Variants in JADE1 observed in about 807,000 individuals in gnomAD.
The protein encoded by JADE1 is jade family PHD finger 1.
In JADE1, 14 loss-of-function variants were observed where a neutral mutation model predicts 81.8. The ratio of observed to expected loss-of-function variants is 0.17; its 90% CI spans 0.11 to 0.27. The LOEUF (loss-of-function observed/expected upper bound fraction) is 0.27. JADE1 is among the 10% of genes least tolerant of loss of function. The pLI, the probability that JADE1 is intolerant of heterozygous loss-of-function variation, is 1.00. For synonymous variants in JADE1, 353 were observed against 391.9 expected (o/e 0.90, Z 1.17); for missense variants, 690 against 1,047.9 (o/e 0.66, Z 4.71).
chr4:128,823,102 A>G (rs988957742), intron 1 of JADE1, among the ~76,000 whole-genome samples: 1 of 152,148 alleles, frequency 6.6e-6, no homozygotes, highest in African/African-American at 2.4e-5. Context: ...TTGTGAATTC[A>G]TTTACTCCCA....
chr4:128,815,425 A>T (rs957633793), intron 1 of JADE1, among the ~76,000 whole-genome samples: 4 of 152,232 alleles, frequency 2.6e-5, no homozygotes, highest in Admixed American at 1.3e-4. Context: ...TTGACAGAAT[A>T]TCTGACACTG....
At chr4:128,861,425 G>A (rs943850631) in intron 8 of JADE1, among the ~76,000 whole-genome samples, 3 of 152,242 alleles carry the variant, frequency 2.0e-5, no homozygotes, top group Non-Finnish European at 4.4e-5. Flanking sequence ...AGCACTTTGG[G>A]AGGCTGAGAT....
chr4:128,853,993 C>T (rs1279520802), intron 6 of JADE1, among the ~76,000 whole-genome samples: 1 of 152,190 alleles, frequency 6.6e-6, no homozygotes, highest in Admixed American at 6.5e-5. Context: ...ACATGAGCAT[C>T]CTGATGACCA....
intron 8 of JADE1, among the ~76,000 whole-genome samples, chr4:128,860,297 CTG>C (rs1731212519): frequency 6.6e-6 from 1 of 152,104 alleles, no homozygotes; most frequent in African/African-American, 2.4e-5. Flanking sequence ...ATGTCAGTCT[CTG>C]TGGTTGAAGT....
At chr4:128,816,580 C>T (rs1341818353) in intron 1 of JADE1, 3 of 152,172 alleles carry the variant, frequency 2.0e-5, no homozygotes, top group African/African-American at 7.2e-5. Context: ...ATCCTTTCCT[C>T]ACCTCAAAGC....
chr4:128,867,963 A>T lies in JADE1; in HGVS notation c.1611A>T (p.Glu537Asp). ...FNLYTKLLEQ[E>D]RVSGVPSSCS... ...TTTACACTAAGCTTTTGGAGCAAGAAAGAGTTTCAGGTATGCATTAAGCCC... is the reference window on the plus strand; with the variant it reads ...TTTACACTAAGCTTTTGGAGCAAGATAGAGTTTCAGGTATGCATTAAGCCC... The change falls in exon 10 of 11, where the codon GAA becomes GAT. Residue 537 changes from glutamate to aspartate, a missense_variant. Transcript: ENST00000226319. The T allele has an allele frequency of 6.2e-7, 1 of 1,607,322 alleles. No individual in the cohort carries two copies. The highest frequency in any genetic ancestry group is 8.5e-7 in the Non-Finnish European group (1 of 1,173,886).
At chr4:128,818,875 A>C (rs1579097700) in intron 1 of JADE1, among the ~76,000 whole-genome samples, 2 of 152,290 alleles carry the variant, frequency 1.3e-5, no homozygotes, top group African/African-American at 4.8e-5. Context: ...GATTTGAGAC[A>C]GGGTCTCACC....
intron 1 of JADE1, among the ~76,000 whole-genome samples, chr4:128,822,714 C>T (rs977807951): frequency 7.9e-5 from 12 of 151,418 alleles, no homozygotes; most frequent in South Asian, 2.1e-4. Flanking sequence ...AGTGAAACTC[C>T]GTCTCAAGAA....
chr4:128,841,977 C>T (rs1729471363), intron 2 of JADE1, among the ~76,000 whole-genome samples: 1 of 152,076 alleles, frequency 6.6e-6, no homozygotes, highest in Non-Finnish European at 1.5e-5. Context: ...AGTTAGGTAC[C>T]ATGTTCTGGG....
intron 1 of JADE1, among the ~76,000 whole-genome samples, chr4:128,824,303 C>T (rs1227433105): frequency 8.6e-5 from 13 of 151,938 alleles, no homozygotes; most frequent in Admixed American, 5.2e-4. Context: ...TGTTGGCAGG[C>T]GCCTGTAGTC....
At chr4:128,864,470 GA>G (rs1416288834) in intron 9 of JADE1, 6 of 984,674 alleles carry the variant, frequency 6.1e-6, no homozygotes, top group South Asian at 4.7e-5. Flanking sequence ...TTATTGTAAT[GA>G]AAAAAAATAC....
At chr4:128,855,497 G>C (rs1730717197) in intron 6 of JADE1, 133 bp from the exon 7 acceptor site, 1 of 924,910 alleles carries the variant, frequency 1.1e-6, no homozygotes, top group Non-Finnish European at 1.5e-6. Flanking sequence ...TAGCCAGGAA[G>C]CTGTGGGAGC....
intron 2 of JADE1, among the ~76,000 whole-genome samples, chr4:128,835,792 T>C (rs566956340): frequency 1.3e-5 from 2 of 152,344 alleles, no homozygotes; most frequent in African/African-American, 4.8e-5. Context: ...TGGCTGGGAC[T>C]TGCTGGCCTC....
At chr4:128,814,925 A>T (rs1307127278) in intron 1 of JADE1, among the ~76,000 whole-genome samples, 3 of 151,912 alleles carry the variant, frequency 2.0e-5, no homozygotes, top group Admixed American at 6.6e-5. Flanking sequence ...TATTACTGTA[A>T]CATGTCCAGA....
At chr4:128,861,402 C>T (rs1249146549) in intron 8 of JADE1, among the ~76,000 whole-genome samples, 1 of 152,204 alleles carries the variant, frequency 6.6e-6, no homozygotes, top group African/African-American at 2.4e-5. Flanking sequence ...CAGTGGCTCA[C>T]GCCTGTAATC....
At chr4:128,870,944 C>T (rs988654575) in intron 10 of JADE1, among the ~76,000 whole-genome samples, 2 of 152,168 alleles carry the variant, frequency 1.3e-5, no homozygotes, top group East Asian at 1.9e-4. Context: ...CTCTCAGTCT[C>T]GTACGGGAGG....
chr4:128,829,375 G>T (rs1318924049), intron 1 of JADE1, among the ~76,000 whole-genome samples: 1 of 152,150 alleles, frequency 6.6e-6, no homozygotes, highest in Non-Finnish European at 1.5e-5. Flanking sequence ...CTTATGTTCA[G>T]CCTTTCTCTT....
At chr4:128,827,994 C>A in intron 1 of JADE1, 2 of 447,006 alleles carry the variant, frequency 4.5e-6, no homozygotes, top group Non-Finnish European at 5.9e-6. Context: ...TCTTACCAGC[C>A]TCCTCTGACT....
chr4:128,856,845 A>G (rs1221544726), intron 7 of JADE1, among the ~76,000 whole-genome samples: 1 of 152,218 alleles, frequency 6.6e-6, no homozygotes, highest in African/African-American at 2.4e-5. Flanking sequence ...GGCTGAATGC[A>G]GAGATGATAC....
Sources: allele counts gnomAD v4.1 joint callset (sites outside exome capture counted in the v4.1 genomes callset), GRCh38; gene constraint gnomAD v4.1.1; transcripts MANE v1.5; gene names NCBI Gene and HGNC (gene_info 2026-07-23, HGNC 2026-07-21).